SLC38A12: variants seen among roughly 807,000 people sequenced by gnomAD.
The protein encoded by SLC38A12 is solute carrier family 38 member 12, also known as putative sodium-coupled neutral amino acid transporter 12.
At chr17:74,831,115 T>TC in the SLC38A12 span, among the ~76,000 whole-genome samples, 2 of 152,028 alleles carry the variant, frequency 1.3e-5, no homozygotes, top group Admixed American at 1.3e-4. Flanking sequence ...GACACCTGCT[T>TC]CCCCTCTGGG....
the SLC38A12 span, chr17:74,836,703 G>A: frequency 1.9e-6 from 3 of 1,573,942 alleles, no homozygotes; most frequent in Non-Finnish European, 2.6e-6. This position sits in a 1 kb window ranked among gnomAD's most constrained non-coding sequence, Gnocchi z 4.2. Context: ...GGACAGGCAG[G>A]TCTAGTGACA....
the SLC38A12 span, among the ~76,000 whole-genome samples, chr17:74,796,591 G>A: frequency 6.6e-6 from 1 of 152,268 alleles, no homozygotes; most frequent in African/African-American, 2.4e-5. Flanking sequence ...CAGCCGTGCT[G>A]TAGGAGCCCT....
the SLC38A12 span, chr17:74,777,139 T>G: frequency 1.5e-6 from 1 of 661,364 alleles, no homozygotes; most frequent in Admixed American, 2.7e-5. Context: ...GTGAGTCTTG[T>G]GACAGATACT....
the SLC38A12 span, among the ~76,000 whole-genome samples, chr17:74,794,609 C>G: frequency 6.6e-6 from 1 of 151,820 alleles, no homozygotes; most frequent in African/African-American, 2.4e-5. Flanking sequence ...GTCTTAGAGC[C>G]CGGTGTTGGC....
chr17:74,809,613 T>C, the SLC38A12 span, among the ~76,000 whole-genome samples: 1 of 152,172 alleles, frequency 6.6e-6, no homozygotes. Context: ...AGCCCCTTCA[T>C]GCCGCCTCTT....
At chr17:74,808,635 C>T in the SLC38A12 span, among the ~76,000 whole-genome samples, 18 of 152,274 alleles carry the variant, frequency 1.2e-4, no homozygotes, top group Admixed American at 1.3e-4. Flanking sequence ...GGAAGGGCTC[C>T]AGGTAGAGAA....
At chr17:74,794,789 G>A in the SLC38A12 span, among the ~76,000 whole-genome samples, 1 of 152,114 alleles carries the variant, frequency 6.6e-6, no homozygotes, top group Non-Finnish European at 1.5e-5. Flanking sequence ...CCTCTCAGGT[G>A]AAAGTCATGA....
the SLC38A12 span, among the ~76,000 whole-genome samples, chr17:74,826,364 T>C: frequency 0.3 from 45,330 of 152,102 alleles, 7,025 homozygotes; most frequent in East Asian, 0.44. Context: ...GCTAAATAAT[T>C]TAGCCACAGG....
At chr17:74,798,858 T>A in the SLC38A12 span, among the ~76,000 whole-genome samples, 1 of 152,028 alleles carries the variant, frequency 6.6e-6, no homozygotes, top group Non-Finnish European at 1.5e-5. Context: ...GGATTCTTTC[T>A]GCAGTTTCTC....
the SLC38A12 span, among the ~76,000 whole-genome samples, chr17:74,809,874 C>T: frequency 2.0e-5 from 3 of 152,186 alleles, no homozygotes; most frequent in Non-Finnish European, 4.4e-5. Context: ...CGCAGGTGCC[C>T]CACTGTTGGC....
At chr17:74,779,074 C>T in the SLC38A12 span, among the ~76,000 whole-genome samples, 1 of 152,158 alleles carries the variant, frequency 6.6e-6, no homozygotes, top group African/African-American at 2.4e-5. Context: ...GATGAAATCT[C>T]TATGCTGTCT....
At chr17:74,789,897 T>C in the SLC38A12 span, among the ~76,000 whole-genome samples, 2 of 139,332 alleles carry the variant, frequency 1.4e-5, no homozygotes, top group Non-Finnish European at 3.4e-5. Context: ...TCCTAGGGCT[T>C]TTCTGTAGAG....
chr17:74,795,397 C>G, the SLC38A12 span: 1 of 799,564 alleles, frequency 1.3e-6, no homozygotes, highest in Non-Finnish European at 2.0e-6. Context: ...AGATGCATCC[C>G]GCAAAGTGGT....
At chr17:74,777,131 G>A in the SLC38A12 span, 1 of 643,458 alleles carries the variant, frequency 1.6e-6, no homozygotes, top group Non-Finnish European at 2.7e-6. Flanking sequence ...CCTCGGGGGT[G>A]AGTCTTGTGA....
the SLC38A12 span, among the ~76,000 whole-genome samples, chr17:74,834,303 G>A: frequency 3.9e-5 from 6 of 152,074 alleles, no homozygotes; most frequent in Non-Finnish European, 7.4e-5. Flanking sequence ...GATTTGTGAT[G>A]TCGGGGGAGG....
At chr17:74,828,137 C>G in the SLC38A12 span, among the ~76,000 whole-genome samples, 1 of 152,226 alleles carries the variant, frequency 6.6e-6, no homozygotes, top group African/African-American at 2.4e-5. Context: ...GCCACCGTGA[C>G]GGATGGCCTC....
the SLC38A12 span, among the ~76,000 whole-genome samples, chr17:74,794,159 T>C: frequency 6.6e-6 from 1 of 152,212 alleles, no homozygotes; most frequent in East Asian, 1.9e-4. Flanking sequence ...CCTTTCTAGC[T>C]GGAATCATTT....
chr17:74,790,670 T>C, the SLC38A12 span, among the ~76,000 whole-genome samples: 1 of 151,962 alleles, frequency 6.6e-6, no homozygotes, highest in Non-Finnish European at 1.5e-5. Context: ...TGCCCTCATG[T>C]TCATACATGC....
chr17:74,788,300 A>G, the SLC38A12 span, among the ~76,000 whole-genome samples: 12 of 152,198 alleles, frequency 7.9e-5, no homozygotes, highest in African/African-American at 4.8e-5. Context: ...CCCATTTCCA[A>G]TTATCCATGC....
Sources: allele counts gnomAD v4.1 joint callset (sites outside exome capture counted in the v4.1 genomes callset), GRCh38; gene constraint gnomAD v4.1.1; non-coding constraint Gnocchi (gnomAD v3.1); transcripts MANE v1.5; gene names NCBI Gene and HGNC (gene_info 2026-07-23, HGNC 2026-07-21).